The following IFT52 variants were observed in gnomAD, a reference collection of about 807,000 sequenced individuals.
The protein encoded by IFT52 is intraflagellar transport 52.
In IFT52, 44 loss-of-function variants were observed where a neutral mutation model predicts 54.4. The observed-to-expected ratio is 0.81, with a 90% confidence interval of 0.63 to 1.04. The LOEUF (loss-of-function observed/expected upper bound fraction) is 1.04, where lower values mean the gene tolerates loss of function less well. IFT52 is among the 50% of genes least tolerant of loss of function. The pLI is 0.00. For synonymous variants in IFT52, 181 were observed against 185.3 expected (o/e 0.98, Z 0.19); for missense variants, 452 against 523.6 (o/e 0.86, Z 1.33).
At chr20:43,606,218 C>T (rs2145603713) in intron 6 of IFT52, among the ~76,000 whole-genome samples, 1 of 142,820 alleles carries the variant, frequency 7.0e-6, no homozygotes, top group African/African-American at 2.6e-5. Flanking sequence ...GAGACTTCGT[C>T]TAAAAAAAAA....
intron 7 of IFT52, among the ~76,000 whole-genome samples, chr20:43,616,555 G>A (rs539706372): frequency 6.7e-6 from 1 of 149,764 alleles, no homozygotes; most frequent in East Asian, 2.0e-4. Flanking sequence ...TACAATAATT[G>A]TAGAAAAAAT....
chr20:43,613,585 C>T (rs992133313), intron 6 of IFT52, among the ~76,000 whole-genome samples: 3 of 152,134 alleles, frequency 2.0e-5, no homozygotes, highest in Non-Finnish European at 2.9e-5. Flanking sequence ...AGTTCAAGAC[C>T]AGCCTGGTCA....
Position 43,604,395 on chromosome 20 carries a change from C to T in IFT52, c.413+137C>T, listed in dbSNP as rs1982697304. ...AACCAGCCTGGCCAACATGGTGAAA[C>T]CCCATCTCCCTGTCTAAAAATACAA... On this transcript the variant is annotated intron_variant, in intron 5 of 13. Coordinates refer to ENST00000373030, the MANE Select transcript of IFT52 (RefSeq NM_016004.5). 5.2e-6 allele frequency: 3 copies of T among 575,462 alleles called. No individual in the cohort carries two copies. In the South Asian group the frequency reaches 5.8e-5, roughly 11 times the overall value. 35.6% of individuals were successfully genotyped at this position (575,462 alleles called of 1,614,324 possible). A position where few individuals can be genotyped will look rare whatever the true frequency, so the allele number is the denominator to read the frequency against.
At chr20:43,620,005 C>T (rs1258422373) in intron 8 of IFT52, among the ~76,000 whole-genome samples, 1 of 150,640 alleles carries the variant, frequency 6.6e-6, no homozygotes, top group Non-Finnish European at 1.5e-5. Context: ...CAACCATCGC[C>T]TCACGGGTTC....
chr20:43,621,743 G>A (rs1001620765), intron 9 of IFT52, among the ~76,000 whole-genome samples: 20 of 152,196 alleles, frequency 1.3e-4, no homozygotes, highest in African/African-American at 4.8e-4. Flanking sequence ...GATTACAGGC[G>A]TGAGCCACTG....
rs1414467094 is a variant in IFT52 at position 43,634,490 on chromosome 20, C to T, written c.924-1436C>T. Among the ~76,000 whole-genome samples the T allele has an allele frequency of 1.3e-5, 2 of 152,100 alleles. 1 individual carries two copies. ...GACTAACTTCCATGAAATTAAATTC[C>T]ATTAAAATATTTCATTGAAATCCCC... On this transcript the variant is annotated intron_variant, in intron 10 of 13. Coordinates refer to ENST00000373030, the MANE Select transcript of IFT52 (RefSeq NM_016004.5).
chr20:43,616,151 A>T (rs1983841935), intron 7 of IFT52, among the ~76,000 whole-genome samples: 1 of 152,162 alleles, frequency 6.6e-6, no homozygotes, highest in Non-Finnish European at 1.5e-5. Context: ...GTAGCTAAAA[A>T]AACCGATTTC....
intron 10 of IFT52, among the ~76,000 whole-genome samples, chr20:43,635,232 A>G (rs6130429): frequency 0.77 from 115,886 of 150,722 alleles, 44,785 homozygotes; most frequent in East Asian, 0.8. Context: ...CTCTTCCTGT[A>G]TTAGTTTGCT....
chr20:43,646,388 C>T (rs540867895), intron 13 of IFT52, among the ~76,000 whole-genome samples: 1 of 152,190 alleles, frequency 6.6e-6, no homozygotes, highest in East Asian at 1.9e-4. Flanking sequence ...GCTCATTTGG[C>T]AGTGTTTTAC....
chr20:43,610,465 G>GACTC (rs1190148398), intron 6 of IFT52, among the ~76,000 whole-genome samples: 1 of 152,042 alleles, frequency 6.6e-6, no homozygotes, highest in Non-Finnish European at 1.5e-5. Context: ...TGGGCGCAGT[G>GACTC]ACTCACGCCT....
At chr20:43,619,298 G>A (rs756668651) in intron 8 of IFT52, among the ~76,000 whole-genome samples, 2 of 152,100 alleles carry the variant, frequency 1.3e-5, no homozygotes, top group East Asian at 1.9e-4. Context: ...CTGGAGAAGC[G>A]GAGAGGAACA....
chr20:43,627,922 G>GTTTTTT (rs554920528), intron 10 of IFT52, among the ~76,000 whole-genome samples: 15 of 56,086 alleles, frequency 2.7e-4, no homozygotes, highest in Non-Finnish European at 3.1e-4. Context: ...GAGAGAGAGA[G>GTTTTTT]TTTTTTTTTT....
chr20:43,593,208 T>C (rs1196293285), intron 1 of IFT52, among the ~76,000 whole-genome samples: 2 of 152,148 alleles, frequency 1.3e-5, no homozygotes, highest in Non-Finnish European at 2.9e-5. Context: ...CAAAAATCTA[T>C]AGCAAGAGAC....
chr20:43,603,800 T>G lies in IFT52; in HGVS notation c.248T>G (p.Val83Gly), dbSNP rs375917815. ...LKKYLDTGGD[V>G]FVMLGEGGES... ...AAATATCTTGACACTGGTGGAGATG[T>G]CTTTGTGATGCTAGGAGAAGGTGGA... The change falls in exon 4 of 14, where the codon GTC becomes GGC. Residue 83 changes from valine to glycine, a missense_variant. Val to Gly is a moderately radical substitution (Grantham distance 109, BLOSUM62 -3). Transcript: ENST00000373030. The G allele has an allele frequency of 1.6e-5, 26 of 1,610,530 alleles. No individual in the cohort carries two copies. The highest frequency in any genetic ancestry group is 2.0e-5 in the Non-Finnish European group (24 of 1,177,800).
chr20:43,622,767 A>AATATAAATATATACAAATT lies in IFT52; in HGVS notation c.769-1124_769-1123insATATAAATATATACAAATT, dbSNP rs1568768291. Among the ~76,000 whole-genome samples, 171 of 120,752 alleles carry AATATAAATATATACAAATT rather than the reference A, an allele frequency of 1.4e-3. 30 individuals carry two copies. The highest frequency in any genetic ancestry group is 5.1e-3 in the African/African-American group (158 of 30,718). The allele number at this position is 120,752 out of a possible 152,430, so 79.2% of individuals were successfully genotyped here. A position where few individuals can be genotyped will look rare whatever the true frequency, so the allele number is the denominator to read the frequency against. On this transcript the variant is annotated intron_variant, in intron 9 of 13. Coordinates refer to ENST00000373030, the MANE Select transcript of IFT52 (RefSeq NM_016004.5). ...TTTATGTAAATATAAATATATACAAATTGTGTGTAAATATAAATATATACA... is the reference window on the plus strand; with the variant it reads ...TTTATGTAAATATAAATATATACAAAATATAAATATATACAAATTTTGTGTGTAAATATAAATATATACA...
intron 6 of IFT52, among the ~76,000 whole-genome samples, chr20:43,612,432 CT>C (rs1279622450): frequency 6.6e-6 from 1 of 152,010 alleles, no homozygotes; most frequent in Non-Finnish European, 1.5e-5. Context: ...GTGGTTTATG[CT>C]TGTAATTCCA....
chr20:43,595,334 AAAAAG>A (rs2145581825), intron 2 of IFT52, among the ~76,000 whole-genome samples: 4 of 150,636 alleles, frequency 2.7e-5, no homozygotes, highest in African/African-American at 4.9e-5. Flanking sequence ...AAAAAAAAAA[AAAAAG>A]AAAGATCAAG....
At position 43,600,343 on chromosome 20, in the gene IFT52, C is replaced by T. The variant is rs919291766; in HGVS notation, c.208-3417C>T. Among the ~76,000 whole-genome samples the T allele has an allele frequency of 1.0e-4, 15 of 150,068 alleles. 1 individual carries two copies. In the Middle Eastern group the frequency reaches 0.017, roughly 171 times the overall value. ...TTCCTGAGACGGAGTCTTGCTCTGT[C>T]ACCCAGGCTGGAGTGCAGTGGAGTG... On this transcript the variant is annotated intron_variant, in intron 3 of 13. Coordinates refer to ENST00000373030, the MANE Select transcript of IFT52 (RefSeq NM_016004.5).
chr20:43,625,375 G>GGT (rs1984640996), intron 10 of IFT52, among the ~76,000 whole-genome samples: 1 of 152,126 alleles, frequency 6.6e-6, no homozygotes, highest in Admixed American at 6.5e-5. Flanking sequence ...TGGGCACGAT[G>GGT]GTGGGCACCT....
Sources: allele counts gnomAD v4.1 joint callset (sites outside exome capture counted in the v4.1 genomes callset), GRCh38; gene constraint gnomAD v4.1.1; transcripts MANE v1.5; gene names NCBI Gene and HGNC (gene_info 2026-07-23, HGNC 2026-07-21).